MTA3: variants seen among roughly 807,000 people sequenced by gnomAD.
MTA3 encodes metastasis-associated protein MTA3.
Under a neutral mutation model 83.5 loss-of-function variants are expected in MTA3, and 34 were observed. That is an observed-to-expected ratio of 0.41 (90% CI 0.31 to 0.54). The LOEUF is 0.54. Among genes scored for constraint, MTA3 ranks in the 20% least tolerant of loss-of-function variants. The pLI, the probability that MTA3 is intolerant of heterozygous loss-of-function variation, is 0.33. For synonymous variants in MTA3, 303 were observed against 252.7 expected (o/e 1.20, Z -1.89); for missense variants, 761 against 726.4 (o/e 1.05, Z -0.55).
chr2:42,696,618 A>G (rs541033753), intron 10 of MTA3, among the ~76,000 whole-genome samples: 1 of 152,202 alleles, frequency 6.6e-6, no homozygotes, highest in Admixed American at 6.5e-5. Context: ...TTAAAGTATC[A>G]TAGTGAGCTG....
chr2:42,495,993 A>G (rs1250303326), intron 2 of MTA3, among the ~76,000 whole-genome samples: 1 of 152,210 alleles, frequency 6.6e-6, no homozygotes, highest in Non-Finnish European at 1.5e-5. Flanking sequence ...ACCAAGAGCC[A>G]ATTCATCAGG....
At chr2:42,553,463 C>T (rs182416319) in intron 2 of MTA3, among the ~76,000 whole-genome samples, 5 of 145,882 alleles carry the variant, frequency 3.4e-5, no homozygotes, top group East Asian at 2.1e-4. Context: ...GGGCCAGACA[C>T]GGTGGCTCAT....
chr2:42,754,205 C>T lies in MTA3; in HGVS notation c.*806C>T. On this transcript the variant is annotated 3_prime_UTR_variant, in exon 17 of 17. Coordinates refer to ENST00000405094, the MANE Select transcript of MTA3 (RefSeq NM_001330442.2). Reference sequence around the variant, plus strand: ...TGTGACAAGCCGTTTGCTTACTGCCCTGTTCCCTTGCAGCCAAACCAGCTG... The same window carrying T: ...TGTGACAAGCCGTTTGCTTACTGCCTTGTTCCCTTGCAGCCAAACCAGCTG... 2.0e-6 allele frequency: 2 copies of T among 985,398 alleles called. 1 individual carries two copies. The highest frequency in any genetic ancestry group is 2.3e-4 in the East Asian group (2 of 8,822). The allele number at this position is 985,398 out of a possible 1,614,324, so 61.0% of individuals were successfully genotyped here.
At chr2:42,750,338 T>A (rs1488396008) in intron 16 of MTA3, among the ~76,000 whole-genome samples, 2 of 152,148 alleles carry the variant, frequency 1.3e-5, no homozygotes, top group Non-Finnish European at 2.9e-5. Flanking sequence ...CTCTGTTTCT[T>A]CCAATTTGTA....
intron 4 of MTA3, among the ~76,000 whole-genome samples, chr2:42,633,308 G>A (rs1168077879): frequency 6.6e-6 from 1 of 152,048 alleles, no homozygotes; most frequent in Non-Finnish European, 1.5e-5. Flanking sequence ...CCAGGGTCGG[G>A]TTTGATGGCT....
intron 2 of MTA3, among the ~76,000 whole-genome samples, chr2:42,552,234 T>C (rs1306783089): frequency 1.3e-5 from 2 of 152,088 alleles, no homozygotes; most frequent in Non-Finnish European, 1.5e-5. Flanking sequence ...ATCAGACCAG[T>C]GTGGCTGAGC....
At chr2:42,543,916 C>G (rs1238768816) in intron 2 of MTA3, among the ~76,000 whole-genome samples, 3 of 152,016 alleles carry the variant, frequency 2.0e-5, no homozygotes, top group Admixed American at 6.6e-5. Context: ...GTCTCAAACT[C>G]TTGGGCTCAA....
Position 42,584,907 on chromosome 2 carries a change from C to G in MTA3, c.190+5707C>G, listed in dbSNP as rs1960272. The stretch of plus-strand genomic sequence containing the variant: ...TGGGGGAAAAAAATGGATTAAGAGA[C>G]CTAGAAAGTAAGTCCAGAAGCCATA... On this transcript the variant is annotated intron_variant, in intron 3 of 16. Coordinates refer to ENST00000405094, the MANE Select transcript of MTA3 (RefSeq NM_001330442.2). Among the ~76,000 whole-genome samples the G allele has an allele frequency of 4.6e-3, 694 of 151,752 alleles. 5 individuals are homozygous for G. Among genetic ancestry groups the G allele is most frequent in the African/African-American group, 0.016 (667 of 41,378 alleles).
chr2:42,632,770 T>C (rs1204010384), intron 4 of MTA3, among the ~76,000 whole-genome samples: 1 of 152,180 alleles, frequency 6.6e-6, no homozygotes, highest in East Asian at 1.9e-4. Flanking sequence ...CCCAAACTTC[T>C]CTTTTTGGCT....
intron 2 of MTA3, among the ~76,000 whole-genome samples, chr2:42,502,665 C>T (rs951045889): frequency 1.6e-4 from 25 of 151,874 alleles, no homozygotes; most frequent in African/African-American, 5.6e-4. Context: ...GGTGTAGTGG[C>T]GCATGCCTGT....
intron 2 of MTA3, among the ~76,000 whole-genome samples, chr2:42,549,363 GTA>G (rs1385459686): frequency 1.9e-5 from 2 of 103,054 alleles, no homozygotes; most frequent in Non-Finnish European, 3.7e-5. Flanking sequence ...ACATATATAC[GTA>G]TATACGTATA....
rs72800082 is a variant in MTA3 at position 42,583,253 on chromosome 2, T to C, written c.190+4053T>C. Among the ~76,000 whole-genome samples the C allele has an allele frequency of 7.2e-3, 1,098 of 152,328 alleles. 6 individuals carry two copies. Among genetic ancestry groups the C allele is most frequent in the Admixed American group, 0.017 (254 of 15,292 alleles). Reference sequence around the variant, plus strand: ...TTTATCTGTTTAGAAGGATTACTTCTATGTACATTATTTGTTGATTTTACT... The same window carrying C: ...TTTATCTGTTTAGAAGGATTACTTCCATGTACATTATTTGTTGATTTTACT... On this transcript the variant is annotated intron_variant, in intron 3 of 16. Transcript: ENST00000405094.
chr2:42,505,856 T>A (rs1367882021), intron 2 of MTA3, among the ~76,000 whole-genome samples: 1 of 149,776 alleles, frequency 6.7e-6, no homozygotes, highest in Non-Finnish European at 1.5e-5. Context: ...GCAGCCTCCA[T>A]CTCCCAGGTT....
chr2:42,625,384 C>T (rs1685974639), intron 4 of MTA3, among the ~76,000 whole-genome samples: 1 of 151,386 alleles, frequency 6.6e-6, no homozygotes, highest in Non-Finnish European at 1.5e-5. Context: ...AGGTGGAGGT[C>T]CCTGAGCTAA....
At chr2:42,738,922 A>G (rs906704659) in intron 16 of MTA3, among the ~76,000 whole-genome samples, 1 of 152,134 alleles carries the variant, frequency 6.6e-6, no homozygotes, top group African/African-American at 2.4e-5. Context: ...AGACCGGTTG[A>G]TCTCAAAACC....
At chr2:42,577,134 A>ATATATATATATATATATATAT (rs1558451250) in intron 2 of MTA3, among the ~76,000 whole-genome samples, 3 of 96,724 alleles carry the variant, frequency 3.1e-5, no homozygotes, top group African/African-American at 1.3e-4. Flanking sequence ...ATATATATAT[A>ATATATATATATATATATATAT]AAAATGAACT....
At chr2:42,601,669 C>G (rs1038008817) in intron 3 of MTA3, among the ~76,000 whole-genome samples, 1 of 151,996 alleles carries the variant, frequency 6.6e-6, no homozygotes, top group Non-Finnish European at 1.5e-5. Context: ...ATTCCAGGTT[C>G]ACGCCACGAA....
At chr2:42,636,584 G>T (rs1296781451) in intron 4 of MTA3, among the ~76,000 whole-genome samples, 1 of 151,274 alleles carries the variant, frequency 6.6e-6, no homozygotes, top group Non-Finnish European at 1.5e-5. Context: ...TCTACAGGCA[G>T]GGGGTAAATG....
At chr2:42,725,089 G>C (rs1375515381) in intron 16 of MTA3, among the ~76,000 whole-genome samples, 2 of 152,234 alleles carry the variant, frequency 1.3e-5, no homozygotes, top group African/African-American at 4.8e-5. Context: ...CTGATGACAT[G>C]TGCTCGGCAC....
Sources: gnomAD v4.1 joint callset for allele counts (sites outside exome capture counted in the v4.1 genomes callset) on GRCh38, gnomAD v4.1.1 for gene constraint, MANE v1.5 for transcripts, NCBI Gene and HGNC (gene_info 2026-07-23, HGNC 2026-07-21) for gene names.